DNAJC1: variants seen among roughly 807,000 people sequenced by gnomAD.
DNAJC1 encodes the protein DnaJ heat shock protein family (Hsp40) member C1.
Under a neutral mutation model 76.6 loss-of-function variants are expected in DNAJC1, and 58 were observed. The ratio of observed to expected loss-of-function variants is 0.76; its 90% CI spans 0.61 to 0.94. DNAJC1 has a LOEUF of 0.94. Among genes scored for constraint, DNAJC1 ranks in the 40% least tolerant of loss-of-function variants. DNAJC1 has a pLI of 0.00. For missense variants in DNAJC1, 689 were observed against 677.3 expected, an observed-to-expected ratio of 1.02 and a Z score of -0.19; for synonymous variants, 258 against 267.9, an observed-to-expected ratio of 0.96 and a Z score of 0.36.
intron 8 of DNAJC1, among the ~76,000 whole-genome samples, chr10:21,809,140 C>G (rs1713025877): frequency 1.3e-5 from 2 of 152,018 alleles, no homozygotes; most frequent in African/African-American, 4.8e-5. Flanking sequence ...TGGGGTAGGG[C>G]TGTATTTTTA....
At chr10:21,799,368 G>T (rs1203018768) in intron 9 of DNAJC1, among the ~76,000 whole-genome samples, 1 of 152,062 alleles carries the variant, frequency 6.6e-6, no homozygotes, top group East Asian at 1.9e-4. Context: ...GCATGAACAT[G>T]ACTCATTGCA....
At chr10:21,910,969 AG>A (rs1284307142) in intron 6 of DNAJC1, among the ~76,000 whole-genome samples, 4 of 144,852 alleles carry the variant, frequency 2.8e-5, no homozygotes, top group South Asian at 4.5e-4. Flanking sequence ...AGAAAGAAAG[AG>A]GGGGGGAAGA....
chr10:21,828,700 T>C (rs1308626211), intron 8 of DNAJC1, among the ~76,000 whole-genome samples: 2 of 152,240 alleles, frequency 1.3e-5, no homozygotes, highest in Non-Finnish European at 2.9e-5. Context: ...CATATTACTT[T>C]AAAGCAAATC....
intron 6 of DNAJC1, among the ~76,000 whole-genome samples, chr10:21,912,608 G>T (rs1189016466): frequency 1.3e-5 from 2 of 151,988 alleles, no homozygotes; most frequent in Non-Finnish European, 2.9e-5. Flanking sequence ...TCCTGTGTCA[G>T]GTTTCTGTAT....
chr10:21,968,741 ACCTCGTGATCTGCCCACCTAGG>A (rs1837929725), intron 1 of DNAJC1, among the ~76,000 whole-genome samples: 2 of 151,908 alleles, frequency 1.3e-5, no homozygotes, highest in African/African-American at 4.8e-5. Context: ...CAATCTCCTG[ACCTCGTGATCTGCCCACCTAGG>A]CCCTGCAAAG....
intron 6 of DNAJC1, among the ~76,000 whole-genome samples, chr10:21,909,802 G>T (rs1836823944): frequency 6.6e-6 from 1 of 152,214 alleles, no homozygotes; most frequent in Non-Finnish European, 1.5e-5. Context: ...GTTCCAGATG[G>T]ATACAGCTAA....
intron 1 of DNAJC1, among the ~76,000 whole-genome samples, chr10:21,989,868 T>C (rs1379482546): frequency 6.6e-6 from 1 of 151,456 alleles, no homozygotes; most frequent in African/African-American, 2.4e-5. Context: ...TAGGGAGAGG[T>C]GAAGAGAGAG....
intron 9 of DNAJC1, among the ~76,000 whole-genome samples, chr10:21,786,459 TATATAGAG>T (rs1439456646): frequency 3.2e-4 from 12 of 37,714 alleles, no homozygotes; most frequent in South Asian, 1.5e-3. Flanking sequence ...TATATATATA[TATATAGAG>T]AGAGAGAGAG....
At chr10:21,879,137 CTGCA>C (rs1836231663) in intron 8 of DNAJC1, among the ~76,000 whole-genome samples, 1 of 152,166 alleles carries the variant, frequency 6.6e-6, no homozygotes, top group Non-Finnish European at 1.5e-5. Flanking sequence ...AGCATGGTTT[CTGCA>C]CAATGGCAAT....
intron 1 of DNAJC1, among the ~76,000 whole-genome samples, chr10:21,978,959 A>G (rs1305458490): frequency 6.6e-6 from 1 of 151,984 alleles, no homozygotes; most frequent in Non-Finnish European, 1.5e-5. Context: ...CAGATTAATT[A>G]CCTCTATGAC....
At chr10:21,849,524 G>T (rs1018939985) in intron 8 of DNAJC1, among the ~76,000 whole-genome samples, 1 of 151,682 alleles carries the variant, frequency 6.6e-6, no homozygotes, top group Non-Finnish European at 1.5e-5. Context: ...ATACTGACAG[G>T]GGGAAAAAAA....
At position 21,756,623 on chromosome 10, in the gene DNAJC1, T is replaced by G; in HGVS notation, c.*64A>C. On this transcript the variant is annotated 3_prime_UTR_variant, in exon 12 of 12. Coordinates refer to ENST00000376980, the MANE Select transcript of DNAJC1 (RefSeq NM_022365.4). Reference sequence around the variant, plus strand: ...AATATTGAGGTACAAAATGCAAATTTCTGCATAAGATTTTTAAGATATTCA... The same window carrying G: ...AATATTGAGGTACAAAATGCAAATTGCTGCATAAGATTTTTAAGATATTCA... 1 of 1,312,702 alleles carries G rather than the reference T, an allele frequency of 7.6e-7. No homozygotes were observed. The highest frequency in any genetic ancestry group is 1.1e-6 in the Non-Finnish European group (1 of 910,856). 81.3% of individuals were successfully genotyped at this position (1,312,702 alleles called of 1,614,324 possible).
intron 6 of DNAJC1, among the ~76,000 whole-genome samples, chr10:21,910,020 G>A (rs1372991859): frequency 6.6e-6 from 1 of 152,180 alleles, no homozygotes; most frequent in African/African-American, 2.4e-5. Context: ...CCTGATGAAG[G>A]AAGGCTTCAT....
chr10:21,847,100 G>C (rs1835672539), intron 8 of DNAJC1, among the ~76,000 whole-genome samples: 2 of 151,962 alleles, frequency 1.3e-5, no homozygotes, highest in Admixed American at 1.3e-4. Context: ...TCAATGTTCA[G>C]CTCAAGTGTA....
chr10:21,847,072 C>T (rs1835672143), intron 8 of DNAJC1, among the ~76,000 whole-genome samples: 2 of 152,048 alleles, frequency 1.3e-5, no homozygotes, highest in Non-Finnish European at 2.9e-5. Flanking sequence ...CCTTTTCTAG[C>T]TGTTTAGCTC....
chr10:21,814,666 G>A (rs1181230126), intron 8 of DNAJC1, among the ~76,000 whole-genome samples: 1 of 152,060 alleles, frequency 6.6e-6, no homozygotes, highest in Non-Finnish European at 1.5e-5. Flanking sequence ...GTGGGTCCTG[G>A]GTGCTTTCAT....
At position 21,918,873 on chromosome 10, in the gene DNAJC1, C is replaced by G. The variant is rs1170111779; in HGVS notation, c.636-1G>C. On this transcript the variant is annotated splice_acceptor_variant, in intron 5 of 11. Coordinates refer to ENST00000376980, the MANE Select transcript of DNAJC1 (RefSeq NM_022365.4). LOFTEE classifies it high-confidence loss of function. ...ATGCCACTGTGGTTTCATCAGCAATCTAAAGGGAGGGAGAAAAAAGAACAC... is the reference window on the plus strand; with the variant it reads ...ATGCCACTGTGGTTTCATCAGCAATGTAAAGGGAGGGAGAAAAAAGAACAC... 6.2e-7 allele frequency: 1 copy of G among 1,610,624 alleles called. No homozygotes were observed. The highest frequency in any genetic ancestry group is 1.7e-5 in the Admixed American group (1 of 59,972).
At chr10:21,922,553 C>T (rs544640586) in intron 3 of DNAJC1, among the ~76,000 whole-genome samples, 8 of 151,908 alleles carry the variant, frequency 5.3e-5, no homozygotes, top group South Asian at 4.2e-4. Context: ...CAATGTTTAT[C>T]GAAATTCTTG....
intron 6 of DNAJC1, among the ~76,000 whole-genome samples, chr10:21,905,951 C>A (rs1196414784): frequency 6.6e-6 from 1 of 152,072 alleles, no homozygotes; most frequent in Non-Finnish European, 1.5e-5. Flanking sequence ...ATCTTTGACA[C>A]TACTTTGACT....
Sources: allele counts gnomAD v4.1 joint callset (sites outside exome capture counted in the v4.1 genomes callset), GRCh38; gene constraint gnomAD v4.1.1; transcripts MANE v1.5; gene names NCBI Gene and HGNC (gene_info 2026-07-23, HGNC 2026-07-21).